The following THSD4 variants were observed in gnomAD, a reference collection of about 807,000 sequenced individuals.
THSD4 encodes thrombospondin type 1 domain containing 4, also known as thrombospondin type-1 domain-containing protein 4.
A neutral mutation model predicts 119.0 loss-of-function variants in THSD4; 69 were observed. That is an observed-to-expected ratio of 0.58 (90% CI 0.48 to 0.71). The LOEUF (loss-of-function observed/expected upper bound fraction) is 0.71. Ranked by LOEUF, THSD4 falls within the 30% of genes least tolerant of loss-of-function variation. The pLI, the probability that THSD4 is intolerant of heterozygous loss-of-function variation, is 0.00. For missense variants in THSD4, 1,393 were observed against 1,391.1 expected, an observed-to-expected ratio of 1.00 and a Z score of -0.02; for synonymous variants, 524 against 540.4, an observed-to-expected ratio of 0.97 and a Z score of 0.42.
intron 6 of THSD4, among the ~76,000 whole-genome samples, chr15:71,375,904 C>T (rs2046129486): frequency 6.6e-6 from 1 of 152,202 alleles, no homozygotes; most frequent in East Asian, 1.9e-4. Context: ...TTATGGTGAA[C>T]TTCAAAGTTT....
chr15:71,471,755 G>T lies in THSD4; in HGVS notation c.1152+59932G>T, dbSNP rs896364072. 4.6e-5 allele frequency among the ~76,000 whole-genome samples: 7 copies of T among 151,678 alleles called. No individual in the cohort carries two copies. In the South Asian group the frequency reaches 8.4e-4, roughly 18 times the overall value. On this transcript the variant is annotated intron_variant, in intron 7 of 17. Coordinates refer to ENST00000261862, the MANE Select transcript of THSD4 (RefSeq NM_024817.3). ...GGGGTCATAAAACCTTCCTTACTGG[G>T]TGGCCGGGAGGATTCAGGTAAGATC...
chr15:71,715,328 G>C (rs76418951), intron 8 of THSD4, among the ~76,000 whole-genome samples: 1 of 152,188 alleles, frequency 6.6e-6, no homozygotes, highest in African/African-American at 2.4e-5. Context: ...AACCCATGGC[G>C]ACAGTGCCTT....
chr15:71,302,320 G>A (rs1479819639), intron 6 of THSD4, among the ~76,000 whole-genome samples: 2 of 152,114 alleles, frequency 1.3e-5, no homozygotes, highest in African/African-American at 2.4e-5. Flanking sequence ...GGTCTGATAA[G>A]CCCACCAGGG....
At chr15:71,622,251 C>G (rs2050431470) in intron 7 of THSD4, among the ~76,000 whole-genome samples, 1 of 152,158 alleles carries the variant, frequency 6.6e-6, no homozygotes, top group African/African-American at 2.4e-5. Context: ...TTTATTGATT[C>G]ATCATTTCTG....
At chr15:71,406,791 T>C (rs1476430982) in intron 6 of THSD4, among the ~76,000 whole-genome samples, 1 of 151,818 alleles carries the variant, frequency 6.6e-6, no homozygotes, top group Non-Finnish European at 1.5e-5. Context: ...GCAATTCTCT[T>C]GCCTCAGCCT....
At chr15:71,558,823 G>A (rs376154171) in intron 7 of THSD4, among the ~76,000 whole-genome samples, 2 of 151,806 alleles carry the variant, frequency 1.3e-5, no homozygotes, top group South Asian at 4.2e-4. Context: ...TCTGACCCAA[G>A]CACTATTTAA....
rs756906731 is a variant in THSD4, at chr15:71,660,739, G to C, written c.1357+5G>C. 4 of 1,613,954 alleles carry C rather than the reference G, an allele frequency of 2.5e-6. No homozygotes were observed. In the East Asian group the frequency reaches 8.9e-5, roughly 36 times the overall value. The stretch of plus-strand genomic sequence containing the variant: ...ACAAGAGCAACAACTATTTGGGTAA[G>C]CTTGGTCTTTTTCCAGAGAAAACCG... On this transcript the variant is annotated splice_donor_5th_base_variant and intron_variant, in intron 8 of 17. Coordinates refer to ENST00000261862, the MANE Select transcript of THSD4 (RefSeq NM_024817.3).
intron 7 of THSD4, among the ~76,000 whole-genome samples, chr15:71,514,428 T>G (rs1379694525): frequency 6.6e-6 from 1 of 152,164 alleles, no homozygotes. Flanking sequence ...CTTGTTGGTA[T>G]CCAAATGGGA....
At chr15:71,256,176 A>T (rs2044314013) in intron 5 of THSD4, among the ~76,000 whole-genome samples, 1 of 152,176 alleles carries the variant, frequency 6.6e-6, no homozygotes, top group Non-Finnish European at 1.5e-5. Context: ...GAGGGCTGGT[A>T]TTTAAAGTTG....
intron 3 of THSD4, among the ~76,000 whole-genome samples, chr15:71,200,324 T>C (rs982737041): frequency 2.0e-5 from 3 of 152,146 alleles, no homozygotes; most frequent in Non-Finnish European, 1.5e-5. Flanking sequence ...CCTGAGCTGC[T>C]GTCCTGGATT....
At chr15:71,459,160 C>CTTTTTTTTTTTT (rs372209662) in intron 7 of THSD4, among the ~76,000 whole-genome samples, 10 of 128,870 alleles carry the variant, frequency 7.8e-5, no homozygotes, top group South Asian at 5.5e-4. Flanking sequence ...TTCTTTTTTT[C>CTTTTTTTTTTTT]TTTTTTTTTT....
chr15:71,635,009 G>C (rs574549101), intron 7 of THSD4, among the ~76,000 whole-genome samples: 1 of 152,144 alleles, frequency 6.6e-6, no homozygotes, highest in Admixed American at 6.5e-5. Flanking sequence ...CATTAAGACC[G>C]TCAGATATTT....
At chr15:71,500,032 AT>A (rs893674675) in intron 7 of THSD4, among the ~76,000 whole-genome samples, 1 of 152,184 alleles carries the variant, frequency 6.6e-6, no homozygotes, top group African/African-American at 2.4e-5. Flanking sequence ...TGATAATTCA[AT>A]TTTTAATTTT....
At chr15:71,112,207 G>A, upstream of THSD4, 1 of 1,613,594 alleles carries the variant, frequency 6.2e-7, no homozygotes, top group Non-Finnish European at 8.5e-7. Flanking sequence ...AATGTTCTGT[G>A]GGTGTGGCTG....
chr15:71,463,156 G>T (rs763422734), intron 7 of THSD4, among the ~76,000 whole-genome samples: 14 of 152,002 alleles, frequency 9.2e-5, no homozygotes, highest in Non-Finnish European at 1.9e-4. Flanking sequence ...ATTCCTTCTC[G>T]CTGGTCCAGC....
At chr15:71,690,491 G>A (rs2052024208) in intron 8 of THSD4, among the ~76,000 whole-genome samples, 1 of 152,192 alleles carries the variant, frequency 6.6e-6, no homozygotes, top group Non-Finnish European at 1.5e-5. Context: ...GAGTCTTACT[G>A]ATACTCACTA....
At chr15:71,613,758 A>G (rs1411388716) in intron 7 of THSD4, among the ~76,000 whole-genome samples, 3 of 152,180 alleles carry the variant, frequency 2.0e-5, no homozygotes, top group South Asian at 2.1e-4. Context: ...AGAACTCTGT[A>G]CTCCAATAAA....
At chr15:71,371,245 GTGTCTTTTAAT>G (rs2046042442) in intron 6 of THSD4, among the ~76,000 whole-genome samples, 1 of 152,136 alleles carries the variant, frequency 6.6e-6, no homozygotes, top group African/African-American at 2.4e-5. Context: ...TTGCCAGTTT[GTGTCTTTTAAT>G]TGTAGCATTT....
chr15:71,777,684 C>G lies in THSD4; in HGVS notation c.*310C>G, dbSNP rs1184030203. The G allele has an allele frequency of 1.4e-5, 5 of 356,662 alleles. No individual in the cohort carries two copies. In the East Asian group the frequency reaches 2.8e-4, roughly 20 times the overall value. 22.1% of individuals were successfully genotyped at this position (356,662 alleles called of 1,614,324 possible). ...AGTACATGGAGCTCTCAGCCCTGCT[C>G]CCATCTGGCACCTTCAAGTCAGCAG... On this transcript the variant is annotated 3_prime_UTR_variant, in exon 18 of 18. Transcript: ENST00000261862.
Sources: gnomAD v4.1 joint callset for allele counts (sites outside exome capture counted in the v4.1 genomes callset) on GRCh38, gnomAD v4.1.1 for gene constraint, MANE v1.5 for transcripts, NCBI Gene and HGNC (gene_info 2026-07-23, HGNC 2026-07-21) for gene names.